GHR: variants seen among roughly 807,000 people sequenced by gnomAD.
The protein encoded by GHR is growth hormone receptor, also known as GH receptor.
Under a neutral mutation model 67.1 loss-of-function variants are expected in GHR, and 35 were observed. The ratio of observed to expected loss-of-function variants is 0.52; its 90% CI spans 0.40 to 0.69. The LOEUF (loss-of-function observed/expected upper bound fraction) is 0.69, where lower values mean the gene tolerates loss of function less well. GHR is among the 30% of genes least tolerant of loss of function. The pLI, the probability that GHR is intolerant of heterozygous loss-of-function variation, is 0.00. For synonymous variants in GHR, 272 were observed against 269.1 expected (o/e 1.01, Z -0.10); for missense variants, 792 against 764.6 (o/e 1.04, Z -0.42).
In GHR at chr5:42,561,677, C is replaced by T. The variant is rs1331446765; in HGVS notation, c.-11-4187C>T. 2.0e-5 allele frequency among the ~76,000 whole-genome samples: 3 copies of T among 152,326 alleles called. No homozygotes were observed. The East Asian group carries it at 5.8e-4, about 29-fold the overall frequency. On this transcript the variant is annotated intron_variant, in intron 1 of 9. Transcript: ENST00000230882. ...AGAAAGATGGGGAGCAGACAAAATGCCTCAGGCTTTGAGGGTAGAAATGGT... is the reference window on the plus strand; with the variant it reads ...AGAAAGATGGGGAGCAGACAAAATGTCTCAGGCTTTGAGGGTAGAAATGGT...
chr5:42,474,569 C>A (rs1272103834), intron 1 of GHR, among the ~76,000 whole-genome samples: 1 of 152,080 alleles, frequency 6.6e-6, no homozygotes, highest in African/African-American at 2.4e-5. Context: ...ATCTGCGTGT[C>A]TGTCTGACCT....
At chr5:42,581,705 G>C (rs114425714) in intron 2 of GHR, among the ~76,000 whole-genome samples, 1 of 152,140 alleles carries the variant, frequency 6.6e-6, no homozygotes, top group Non-Finnish European at 1.5e-5. Flanking sequence ...TGAAGATGCC[G>C]GCTGTAGTGG....
chr5:42,427,565 G>A (rs537168206), intron 1 of GHR, among the ~76,000 whole-genome samples: 8 of 152,040 alleles, frequency 5.3e-5, no homozygotes, highest in Admixed American at 2.0e-4. Context: ...ATATCATTCC[G>A]CTCCTAGCCC....
intron 5 of GHR, among the ~76,000 whole-genome samples, chr5:42,696,712 C>A (rs753898857): frequency 6.6e-6 from 1 of 152,054 alleles, no homozygotes; most frequent in Non-Finnish European, 1.5e-5. Flanking sequence ...CACGAGGTAC[C>A]TTTGAGGATG....
chr5:42,552,477 A>T (rs753882428), intron 1 of GHR, among the ~76,000 whole-genome samples: 45 of 152,164 alleles, frequency 3.0e-4, no homozygotes, highest in Non-Finnish European at 4.9e-4. Flanking sequence ...AGGGCCTTCC[A>T]GCCTTTCTAA....
chr5:42,664,449 A>C (rs1391910440), intron 3 of GHR, among the ~76,000 whole-genome samples: 1 of 152,232 alleles, frequency 6.6e-6, no homozygotes, highest in East Asian at 1.9e-4. Context: ...GCATGTCTAC[A>C]ACTATCTGAT....
chr5:42,468,220 C>T, intron 1 of GHR: 1 of 1,498,574 alleles, frequency 6.7e-7, no homozygotes, highest in Non-Finnish European at 9.3e-7. Flanking sequence ...CACTTGTTGG[C>T]TGGATGCCTG....
intron 2 of GHR, among the ~76,000 whole-genome samples, chr5:42,573,367 C>T (rs1750442660): frequency 6.6e-6 from 1 of 152,136 alleles, no homozygotes; most frequent in Non-Finnish European, 1.5e-5. Context: ...CTGCTTTCTA[C>T]TCCACATACC....
intron 1 of GHR, among the ~76,000 whole-genome samples, chr5:42,425,937 A>G (rs1334408687): frequency 6.6e-6 from 1 of 152,222 alleles, no homozygotes; most frequent in Non-Finnish European, 1.5e-5. Context: ...TGCAATGACA[A>G]AGTGACGAGA....
chr5:42,490,252 A>G (rs759614146), intron 1 of GHR, among the ~76,000 whole-genome samples: 15 of 152,188 alleles, frequency 9.9e-5, no homozygotes, highest in Non-Finnish European at 1.5e-4. Flanking sequence ...GACCACATTG[A>G]CTCTTAGTAA....
intron 1 of GHR, among the ~76,000 whole-genome samples, chr5:42,543,920 T>TA (rs1211493101): frequency 3.3e-5 from 5 of 151,942 alleles, no homozygotes; most frequent in Non-Finnish European, 5.9e-5. Context: ...ATTTTTTTTT[T>TA]AAAAAAACAA....
In GHR at chr5:42,687,370, G is replaced by A. The variant is rs550571286; in HGVS notation, c.137-1520G>A. ...ATGAGCCTGCATAGCCAAGATAATC[G>A]TAAGCAAAAAGAACAAAGCTGAAGG... On this transcript the variant is annotated intron_variant, in intron 3 of 9. Transcript: ENST00000230882. Among the ~76,000 whole-genome samples, 558 of 152,194 alleles carry A rather than the reference G, an allele frequency of 3.7e-3. 5 individuals carry two copies. The highest frequency in any genetic ancestry group is 0.01 in the South Asian group (49 of 4,826).
intron 5 of GHR, among the ~76,000 whole-genome samples, chr5:42,697,665 C>T (rs918046359): frequency 6.6e-6 from 1 of 152,124 alleles, no homozygotes; most frequent in East Asian, 1.9e-4. Context: ...GAGACCAAAT[C>T]GCACAGACAA....
chr5:42,671,760 T>G (rs1380642324), intron 3 of GHR, among the ~76,000 whole-genome samples: 1 of 150,542 alleles, frequency 6.6e-6, no homozygotes, highest in Non-Finnish European at 1.5e-5. Context: ...ATCGAGACCA[T>G]CCCGGCTAAA....
At chr5:42,516,932 A>G (rs974147132) in intron 1 of GHR, among the ~76,000 whole-genome samples, 1 of 152,160 alleles carries the variant, frequency 6.6e-6, no homozygotes, top group Non-Finnish European at 1.5e-5. Context: ...CAGAGTGTGT[A>G]ATTATTTACC....
At chr5:42,659,142 T>A (rs1227830530) in intron 3 of GHR, 1 of 152,200 alleles carries the variant, frequency 6.6e-6, no homozygotes, top group Admixed American at 6.5e-5. Flanking sequence ...AAGTACTCTA[T>A]AATAATCTGA....
At chr5:42,672,619 T>G (rs1756372938) in intron 3 of GHR, among the ~76,000 whole-genome samples, 1 of 152,274 alleles carries the variant, frequency 6.6e-6, no homozygotes, top group Admixed American at 6.5e-5. Context: ...AGAATGAAAC[T>G]GGACCCCTAC....
rs546061127 is a variant in GHR at position 42,625,922 on chromosome 5, T to C, written c.71-3116T>C. Among the ~76,000 whole-genome samples, 4 of 152,220 alleles carry C rather than the reference T, an allele frequency of 2.6e-5. No homozygotes were observed. The South Asian group carries it at 6.2e-4, about 24-fold the overall frequency. ...CAAGGCATGGCAAGGAAATATACTT[T>C]GGGGCTAATATTTTTTCCTTGTCTC... On this transcript the variant is annotated intron_variant, in intron 2 of 9. Transcript: ENST00000230882.
At chr5:42,523,270 C>T (rs947958613) in intron 1 of GHR, among the ~76,000 whole-genome samples, 5 of 152,026 alleles carry the variant, frequency 3.3e-5, no homozygotes, top group African/African-American at 7.2e-5. Flanking sequence ...ACCAGTAAGT[C>T]GTATACAGGT....
Sources: gnomAD v4.1 joint callset for allele counts (sites outside exome capture counted in the v4.1 genomes callset) on GRCh38, gnomAD v4.1.1 for gene constraint, MANE v1.5 for transcripts, NCBI Gene and HGNC (gene_info 2026-07-23, HGNC 2026-07-21) for gene names.